RSPH1: variants seen among roughly 807,000 people sequenced by gnomAD.
RSPH1 encodes radial spoke head 1 homolog.
RSPH1 carries 32 observed loss-of-function variants against 44.2 expected under a neutral mutation model. That is an observed-to-expected ratio of 0.72 (90% CI 0.55 to 0.97). The LOEUF is 0.97. Ranked by LOEUF, RSPH1 falls within the 50% of genes least tolerant of loss-of-function variation. The probability of loss-of-function intolerance (pLI) is 0.00; values close to 1 mark genes in which losing one functional copy is unlikely to be tolerated. For missense variants in RSPH1, 391 were observed against 398.7 expected, an observed-to-expected ratio of 0.98 and a Z score of 0.16; for synonymous variants, 134 against 147.3, an observed-to-expected ratio of 0.91 and a Z score of 0.65.
At chr21:42,489,233 T>C (rs1435370659) in intron 3 of RSPH1, among the ~76,000 whole-genome samples, 1 of 152,032 alleles carries the variant, frequency 6.6e-6, no homozygotes, top group Non-Finnish European at 1.5e-5. Flanking sequence ...GACTGGTTTG[T>C]TGATTGGTTA....
At chr21:42,473,582 T>C (rs1457131131) in intron 8 of RSPH1, among the ~76,000 whole-genome samples, 1 of 152,154 alleles carries the variant, frequency 6.6e-6, no homozygotes, top group East Asian at 1.9e-4. Flanking sequence ...TTTTTATTAT[T>C]AATTAAACTC....
intron 6 of RSPH1, among the ~76,000 whole-genome samples, chr21:42,477,677 C>G (rs1440069864): frequency 6.6e-6 from 1 of 152,190 alleles, no homozygotes; most frequent in East Asian, 1.9e-4. Flanking sequence ...CAGAGCAATG[C>G]TGGGCCAGCG....
intron 5 of RSPH1, among the ~76,000 whole-genome samples, chr21:42,483,274 C>T (rs564849188): frequency 7.3e-5 from 11 of 150,298 alleles, no homozygotes; most frequent in African/African-American, 9.8e-5. Context: ...CTCCAGCAAA[C>T]GTACTCTGAG....
rs1601620695 is a variant in RSPH1, at chr21:42,472,658, C to T, written c.*160G>A. 3.7e-6 allele frequency: 2 copies of T among 539,338 alleles called. No homozygotes were observed. Among genetic ancestry groups the T allele is most frequent in the East Asian group, 6.1e-5 (2 of 32,876 alleles). 33.4% of individuals were successfully genotyped at this position (539,338 alleles called of 1,614,324 possible). A position where few individuals can be genotyped will look rare whatever the true frequency, so the allele number is the denominator to read the frequency against. On this transcript the variant is annotated 3_prime_UTR_variant, in exon 9 of 9. Transcript: ENST00000291536. ...TCGCTCTGCCACCCAGGCTGGAGAG[C>T]AGTGGCGCGATCTCCACTCACTGCA...
intron 3 of RSPH1, among the ~76,000 whole-genome samples, chr21:42,486,859 G>T (rs938021891): frequency 6.6e-6 from 1 of 152,212 alleles, no homozygotes; most frequent in Non-Finnish European, 1.5e-5. Flanking sequence ...AAGATGCAAC[G>T]AGGAGGGAGA....
At chr21:42,490,205 C>A (rs1023518591) in intron 3 of RSPH1, among the ~76,000 whole-genome samples, 1 of 152,114 alleles carries the variant, frequency 6.6e-6, no homozygotes. Context: ...ACCGTCTCCC[C>A]ACTCCTCTCC....
rs2054171500 is a variant in RSPH1 at position 42,485,621 on chromosome 21, G to A, written c.501+48C>T. On this transcript the variant is annotated intron_variant, in intron 5 of 8. Transcript: ENST00000291536. ...CACACATTTGCACAGGCTGCCAGAGGGGGTTATTTTGTACTTCATTGGCAA... is the reference window on the plus strand; with the variant it reads ...CACACATTTGCACAGGCTGCCAGAGAGGGTTATTTTGTACTTCATTGGCAA... 2.5e-6 allele frequency: 4 copies of A among 1,609,962 alleles called. No homozygotes were observed. In the South Asian group the frequency reaches 3.3e-5, roughly 13 times the overall value.
rs538859133 is a variant in RSPH1, at chr21:42,479,709, CTA to C, written c.574-2267_574-2266del. On this transcript the variant is annotated intron_variant, in intron 6 of 8. Coordinates refer to ENST00000291536, the MANE Select transcript of RSPH1 (RefSeq NM_080860.4). ...CCGACTGTCTTTCTTAGGCTTCTGA[CTA>C]TGTGTGTAGGAGGTTACACACACAC... Among the ~76,000 whole-genome samples the C allele has an allele frequency of 2.4e-4, 36 of 147,558 alleles. No homozygotes were observed. In the South Asian group the frequency reaches 3.9e-3, roughly 16 times the overall value.
At chr21:42,494,899 C>T (rs544602956) in intron 1 of RSPH1, among the ~76,000 whole-genome samples, 1 of 152,140 alleles carries the variant, frequency 6.6e-6, no homozygotes, top group East Asian at 1.9e-4. Flanking sequence ...AGGGTTTCAC[C>T]GTGTTGCCCA....
chr21:42,481,987 A>G lies in RSPH1; in HGVS notation c.573+650T>C, dbSNP rs1015267112. On this transcript the variant is annotated intron_variant, in intron 6 of 8. Coordinates refer to ENST00000291536, the MANE Select transcript of RSPH1 (RefSeq NM_080860.4). Reference sequence around the variant, plus strand: ...CGGACAAGCTAACAGTCACTGGACAAACTGTGGCAACACCAGTTACAGATT... The same window carrying G: ...CGGACAAGCTAACAGTCACTGGACAGACTGTGGCAACACCAGTTACAGATT... 5.3e-5 allele frequency among the ~76,000 whole-genome samples: 8 copies of G among 152,248 alleles called. No individual in the cohort carries two copies. In the South Asian group the frequency reaches 6.2e-4, roughly 12 times the overall value.
intron 3 of RSPH1, 134 bp downstream of exon 3, chr21:42,492,624 C>T (rs974912718): frequency 3.7e-5 from 23 of 625,114 alleles, no homozygotes; most frequent in East Asian, 1.8e-4. Flanking sequence ...TATAGTAACA[C>T]GATCTGTGTT....
In RSPH1 at chr21:42,477,121, G is replaced by A. The variant is rs1246844328; in HGVS notation, c.727+170C>T. ...CTCTGCCCCCTCCACTCCACAGCCC[G>A]GGGATGCCCCACACCCTCTGCCCCC... On this transcript the variant is annotated intron_variant, in intron 7 of 8. Transcript: ENST00000291536. Among the ~76,000 whole-genome samples, 3 of 130,396 alleles carry A rather than the reference G, an allele frequency of 2.3e-5. 1 individual carries two copies. The highest frequency in any genetic ancestry group is 2.3e-4 in the East Asian group (1 of 4,350). 85.5% of individuals were successfully genotyped at this position (130,396 alleles called of 152,430 possible).
intron 6 of RSPH1, 92 bp downstream of exon 6, chr21:42,482,545 T>A: frequency 1.1e-6 from 1 of 871,442 alleles, no homozygotes; most frequent in Non-Finnish European, 1.8e-6. Flanking sequence ...GCATAACTTT[T>A]AGGCGAATCA....
At chr21:42,486,987 G>C (rs567728836) in intron 3 of RSPH1, among the ~76,000 whole-genome samples, 1 of 152,252 alleles carries the variant, frequency 6.6e-6, no homozygotes, top group South Asian at 2.1e-4. Flanking sequence ...TCAGCCACCT[G>C]GCAGCATTTC....
Sources: gnomAD v4.1 joint callset for allele counts (sites outside exome capture counted in the v4.1 genomes callset) on GRCh38, gnomAD v4.1.1 for gene constraint, MANE v1.5 for transcripts, NCBI Gene and HGNC (gene_info 2026-07-23, HGNC 2026-07-21) for gene names.